VWF: variants seen among roughly 807,000 people sequenced by gnomAD.
VWF encodes Factor VIII related antigen.
In VWF, 176 loss-of-function variants were observed where a neutral mutation model predicts 308.6. That is an observed-to-expected ratio of 0.57 (90% CI 0.50 to 0.65). The LOEUF is 0.65. VWF is among the 30% of genes least tolerant of loss of function. VWF has a pLI of 0.00. For synonymous variants in VWF, 1,385 were observed against 1,443.4 expected, an observed-to-expected ratio of 0.96 and a Z score of 0.92; for missense variants, 3,146 against 3,648.2, an observed-to-expected ratio of 0.86 and a Z score of 3.55.
At chr12:5,967,219 A>C (rs1293137618) in intron 47 of VWF, among the ~76,000 whole-genome samples, 1 of 152,234 alleles carries the variant, frequency 6.6e-6, no homozygotes, top group Non-Finnish European at 1.5e-5. Context: ...AATTGTAAAC[A>C]TAGTATCATA....
intron 5 of VWF, among the ~76,000 whole-genome samples, chr12:6,109,663 T>G (rs1249610405): frequency 6.6e-6 from 1 of 152,246 alleles, no homozygotes; most frequent in East Asian, 1.9e-4. Flanking sequence ...GTTTTCTTTT[T>G]TTTTTGAGAC....
In VWF at chr12:6,019,777, A is replaced by T. The variant is rs1289523469; in HGVS notation, c.3675-34T>A. 2 of 1,583,050 alleles carry T rather than the reference A, an allele frequency of 1.3e-6. No homozygotes were observed. Among genetic ancestry groups the T allele is most frequent in the Middle Eastern group, 1.8e-4 (1 of 5,406 alleles). ...AAGAGCGAAGAAATTAAAATGGTTCAGGAAGAACCTGTGGACACTTCTGAG... is the reference window on the plus strand; with the variant it reads ...AAGAGCGAAGAAATTAAAATGGTTCTGGAAGAACCTGTGGACACTTCTGAG... On this transcript the variant is annotated intron_variant, in intron 27 of 51. Coordinates refer to ENST00000261405, the MANE Select transcript of VWF (RefSeq NM_000552.5). This position sits in a 1 kb window ranked among gnomAD's most constrained non-coding sequence, Gnocchi z 5.8.
In VWF at chr12:5,983,166, T is replaced by A. The variant is rs1281774203; in HGVS notation, c.7065A>T (p.Arg2355Ser). Residue 2355 changes from arginine to serine, a missense_variant, in exon 41 of 52, where the codon AGA (arginine) becomes AGT (serine). Coordinates refer to ENST00000261405, the MANE Select transcript of VWF (RefSeq NM_000552.5). ...AGGCCTTACCGCAGGTGAAGTTGGG[T>A]CTGCACTCGCCAGGGTTGGTCAGTG... ...QPTLTNPGECRPNFTCACRKE... is the reference protein window; with the variant it reads ...QPTLTNPGECSPNFTCACRKE... 1.2e-6 allele frequency: 2 copies of A among 1,613,696 alleles called. No individual in the cohort carries two copies. Among genetic ancestry groups the A allele is most frequent in the East Asian group, 2.2e-5 (1 of 44,892 alleles).
At chr12:6,097,073 G>A (rs538011019) in intron 5 of VWF, among the ~76,000 whole-genome samples, 1 of 152,248 alleles carries the variant, frequency 6.6e-6, no homozygotes, top group Non-Finnish European at 1.5e-5. Flanking sequence ...CTTGAGTTAG[G>A]GATCTTGAGA....
chr12:6,076,280 A>T (rs1186643534), intron 6 of VWF, among the ~76,000 whole-genome samples: 1 of 152,136 alleles, frequency 6.6e-6, no homozygotes, highest in Non-Finnish European at 1.5e-5. Flanking sequence ...CTCACTCACG[A>T]GTATCAACGA....
In VWF at chr12:5,967,488, G is replaced by C. The variant is rs1475306001; in HGVS notation, c.7885C>G (p.Leu2629Val). 1 of 1,614,016 alleles carries C rather than the reference G, an allele frequency of 6.2e-7. No individual in the cohort carries two copies. The highest frequency in any genetic ancestry group is 1.7e-5 in the Admixed American group (1 of 60,024). The change falls in exon 47 of 52, where the codon CTG becomes GTG. Residue 2629 changes from leucine (L) to valine (V), a missense_variant and splice_region_variant. Physicochemically the swap from Leu to Val is conservative, Grantham distance 32. Coordinates refer to ENST00000261405, the MANE Select transcript of VWF (RefSeq NM_000552.5). Reference sequence around the variant, plus strand: ...GGTCCCCATTGAGCCTCTCTTACCAGGGGGCAGGGGTTGCAGGTGGTCTTC... The same window carrying C: ...GGTCCCCATTGAGCCTCTCTTACCACGGGGCAGGGGTTGCAGGTGGTCTTC... Reference protein sequence around the residue: ...CRKTTCNPCPLGYKEENNTGE... With the variant: ...CRKTTCNPCPVGYKEENNTGE...
intron 42 of VWF, among the ~76,000 whole-genome samples, chr12:5,979,697 C>A (rs903339155): frequency 3.3e-5 from 5 of 150,728 alleles, no homozygotes; most frequent in African/African-American, 1.2e-4. Context: ...CTACAATCAG[C>A]CAAGATCGTG....
At chr12:6,044,173 C>T (rs1039991588) in intron 18 of VWF, 118 bp downstream of exon 18, 1 of 1,316,546 alleles carries the variant, frequency 7.6e-7, no homozygotes, top group Non-Finnish European at 1.0e-6. Context: ...GCACCACCTC[C>T]ATTGCTATCC....
At chr12:6,061,861 T>G (rs1470673214) in intron 13 of VWF, among the ~76,000 whole-genome samples, 9 of 152,232 alleles carry the variant, frequency 5.9e-5, no homozygotes. Flanking sequence ...CATGCAATAT[T>G]GCAAAAGATT....
chr12:5,985,525 T>G, intron 39 of VWF, 38 bp downstream of exon 39: 1 of 1,600,898 alleles, frequency 6.2e-7, no homozygotes, highest in East Asian at 2.2e-5. Context: ...GGGGCCCTTG[T>G]TCCTCCATGA....
intron 5 of VWF, among the ~76,000 whole-genome samples, chr12:6,103,395 T>TAC (rs202145763): frequency 0.02 from 2,179 of 106,584 alleles, 100 homozygotes; most frequent in African/African-American, 0.086. Context: ...CGTGTGTGTA[T>TAC]ACACGTGTGT....
At chr12:5,961,246 G>A (rs1235786813) in intron 47 of VWF, among the ~76,000 whole-genome samples, 3 of 152,090 alleles carry the variant, frequency 2.0e-5, no homozygotes, top group African/African-American at 7.2e-5. Context: ...GAAATAAGGT[G>A]CATAATAAAC....
At chr12:6,033,535 C>T (rs1390202080) in intron 20 of VWF, among the ~76,000 whole-genome samples, 3 of 152,164 alleles carry the variant, frequency 2.0e-5, no homozygotes, top group South Asian at 2.1e-4. Flanking sequence ...AAGCTGGTGT[C>T]GCCCTCTCTT....
chr12:5,949,642 T>C, intron 51 of VWF, 144 bp downstream of exon 51: 1 of 887,138 alleles, frequency 1.1e-6, no homozygotes, highest in Non-Finnish European at 1.8e-6. Context: ...ATAAAACATT[T>C]GCTTAAAAAA....
chr12:6,014,501 G>C (rs561093311), intron 31 of VWF, among the ~76,000 whole-genome samples: 1 of 152,146 alleles, frequency 6.6e-6, no homozygotes, highest in African/African-American at 2.4e-5. Context: ...TGTGACTCTC[G>C]AAGTATTTTG....
chr12:6,040,247 T>C lies in VWF; in HGVS notation c.2443-3756A>G, dbSNP rs573539326. The stretch of plus-strand genomic sequence containing the variant: ...TATTCTAACTTAAAGAGATGGATGC[T>C]TCAGGCAAGCATGGCTCCAAGAATT... On this transcript the variant is annotated intron_variant, in intron 18 of 51. Transcript: ENST00000261405. Among the ~76,000 whole-genome samples the C allele has an allele frequency of 2.0e-5, 3 of 152,252 alleles. No individual in the cohort carries two copies. The East Asian group carries it at 5.8e-4, about 29-fold the overall frequency.
intron 44 of VWF, among the ~76,000 whole-genome samples, chr12:5,969,950 T>C (rs902686302): frequency 2.2e-5 from 3 of 137,712 alleles, no homozygotes; most frequent in Admixed American, 1.4e-4. Context: ...AGGAGGATCT[T>C]CCCCAGAAAA....
chr12:6,031,332 G>A (rs1944259130), intron 21 of VWF, 112 bp downstream of exon 21: 11 of 1,575,852 alleles, frequency 7.0e-6, no homozygotes, highest in Admixed American at 1.7e-5. Flanking sequence ...CCTCTTTAAT[G>A]GCTGTGCGTT....
At chr12:6,008,104 A>C (rs1467238371) in intron 34 of VWF, among the ~76,000 whole-genome samples, 2 of 152,184 alleles carry the variant, frequency 1.3e-5, no homozygotes, top group Non-Finnish European at 2.9e-5. Flanking sequence ...ATTCTACCAA[A>C]GATTTAAAGA....
Sources: gnomAD v4.1 joint callset for allele counts (sites outside exome capture counted in the v4.1 genomes callset) on GRCh38, gnomAD v4.1.1 for gene constraint, Gnocchi (gnomAD v3.1) non-coding constraint, MANE v1.5 for transcripts, NCBI Gene and HGNC (gene_info 2026-07-23, HGNC 2026-07-21) for gene names.